RABGAP1L: variants seen among roughly 807,000 people sequenced by gnomAD.
The protein encoded by RABGAP1L is rab GTPase-activating protein 1-like.
Under a neutral mutation model 137.7 loss-of-function variants are expected in RABGAP1L, and 63 were observed. That is an observed-to-expected ratio of 0.46 (90% CI 0.37 to 0.56). The LOEUF (loss-of-function observed/expected upper bound fraction) is 0.56. Ranked by LOEUF, RABGAP1L falls within the 20% of genes least tolerant of loss-of-function variation. The pLI is 0.00. For missense variants in RABGAP1L, 1,095 were observed against 1,244.0 expected, an observed-to-expected ratio of 0.88 and a Z score of 1.80; for synonymous variants, 431 against 433.7, an observed-to-expected ratio of 0.99 and a Z score of 0.08.
chr1:174,836,201 T>C (rs1692730196), intron 19 of RABGAP1L, among the ~76,000 whole-genome samples: 1 of 152,216 alleles, frequency 6.6e-6, no homozygotes, highest in South Asian at 2.1e-4. Context: ...GTATTTTCTG[T>C]CATACATGAC....
At chr1:174,740,021 C>T (rs1218336397) in intron 17 of RABGAP1L, among the ~76,000 whole-genome samples, 1 of 152,150 alleles carries the variant, frequency 6.6e-6, no homozygotes, top group Non-Finnish European at 1.5e-5. Flanking sequence ...TATTATGATT[C>T]TTAAAGTTCA....
chr1:174,942,728 T>C (rs1259023043), intron 19 of RABGAP1L, among the ~76,000 whole-genome samples: 2 of 152,216 alleles, frequency 1.3e-5, no homozygotes, highest in South Asian at 2.1e-4. Flanking sequence ...TGCAGTGATA[T>C]GGTTAAATCA....
intron 8 of RABGAP1L, among the ~76,000 whole-genome samples, chr1:174,273,724 T>G (rs562587383): frequency 6.6e-6 from 1 of 152,216 alleles, no homozygotes; most frequent in Admixed American, 6.5e-5. Flanking sequence ...TTTAAAAGAC[T>G]AAGATGAATT....
intron 18 of RABGAP1L, among the ~76,000 whole-genome samples, chr1:174,788,316 T>C (rs72717608): frequency 0.22 from 33,303 of 152,206 alleles, 3,934 homozygotes; most frequent in Admixed American, 0.25. Flanking sequence ...TGCCATTCCC[T>C]GACTTGGTAA....
At chr1:174,544,563 A>T (rs1665824659) in intron 13 of RABGAP1L, among the ~76,000 whole-genome samples, 1 of 152,168 alleles carries the variant, frequency 6.6e-6, no homozygotes, top group Non-Finnish European at 1.5e-5. Context: ...AGCTCGGATA[A>T]GTTCGTTATT....
chr1:174,816,040 C>T (rs1213540995), intron 19 of RABGAP1L, among the ~76,000 whole-genome samples: 2 of 150,950 alleles, frequency 1.3e-5, no homozygotes, highest in Non-Finnish European at 2.9e-5. Context: ...CATTGCAGAG[C>T]TTCTTAAACT....
chr1:174,385,894 A>T (rs1414774435), intron 12 of RABGAP1L, among the ~76,000 whole-genome samples: 3 of 152,246 alleles, frequency 2.0e-5, no homozygotes, highest in Non-Finnish European at 4.4e-5. Flanking sequence ...TCTTAAAAAT[A>T]GTTTTGCTAT....
chr1:174,587,806 C>A (rs1669235200), intron 13 of RABGAP1L, among the ~76,000 whole-genome samples: 1 of 152,200 alleles, frequency 6.6e-6, no homozygotes, highest in Non-Finnish European at 1.5e-5. Context: ...TATTCACCAT[C>A]TCAAGCATTT....
intron 13 of RABGAP1L, chr1:174,548,263 A>C: frequency 7.3e-7 from 1 of 1,370,500 alleles, no homozygotes; most frequent in East Asian, 2.7e-5. Flanking sequence ...CTGTTTTTAA[A>C]CTCTTTGCTA....
intron 19 of RABGAP1L, among the ~76,000 whole-genome samples, chr1:174,854,771 C>A (rs1296001928): frequency 1.7e-5 from 1 of 58,364 alleles, no homozygotes; most frequent in Non-Finnish European, 3.4e-5. Context: ...GAGACGTTGT[C>A]TCACTCTGTC....
intron 13 of RABGAP1L, among the ~76,000 whole-genome samples, chr1:174,615,620 GA>G (rs1671758989): frequency 6.6e-6 from 1 of 152,228 alleles, no homozygotes; most frequent in Non-Finnish European, 1.5e-5. Context: ...GTCAGACAGG[GA>G]CATTTAAGTC....
chr1:174,423,427 T>C (rs556369229), intron 13 of RABGAP1L, among the ~76,000 whole-genome samples: 6 of 152,312 alleles, frequency 3.9e-5, no homozygotes, highest in Admixed American at 1.3e-4. Flanking sequence ...CTTTGGACTT[T>C]TGCTTCTTTA....
intron 13 of RABGAP1L, among the ~76,000 whole-genome samples, chr1:174,478,744 G>C (rs1223105055): frequency 6.6e-6 from 1 of 152,112 alleles, no homozygotes. Context: ...TTAAATTAGA[G>C]ACCAATACAA....
intron 13 of RABGAP1L, among the ~76,000 whole-genome samples, chr1:174,487,105 G>A (rs6674797): frequency 0.12 from 17,965 of 152,060 alleles, 1,394 homozygotes; most frequent in South Asian, 0.17. Context: ...TTCAACTGTT[G>A]AATGAAATGT....
At chr1:174,165,628 G>T (rs1664846972) in intron 1 of RABGAP1L, among the ~76,000 whole-genome samples, 1 of 151,960 alleles carries the variant, frequency 6.6e-6, no homozygotes, top group South Asian at 2.1e-4. Context: ...CCCCCAAGTG[G>T]CTGGGACTAT....
chr1:174,867,210 G>C (rs568230025), intron 19 of RABGAP1L, among the ~76,000 whole-genome samples: 47 of 152,106 alleles, frequency 3.1e-4, no homozygotes, highest in African/African-American at 1.1e-3. Flanking sequence ...GTGAAACCTT[G>C]TTTTTACTAA....
chr1:174,352,370 T>G (rs1683274844), intron 11 of RABGAP1L, among the ~76,000 whole-genome samples: 1 of 152,162 alleles, frequency 6.6e-6, no homozygotes, highest in Non-Finnish European at 1.5e-5. Flanking sequence ...GATTCATTCT[T>G]CAGTATGTCA....
rs981037634 is a variant in RABGAP1L at position 174,450,324 on chromosome 1, A to T, written c.1710+56179A>T. Among the ~76,000 whole-genome samples, 11 of 152,198 alleles carry T rather than the reference A, an allele frequency of 7.2e-5. No individual in the cohort carries two copies. In the East Asian group the frequency reaches 1.5e-3, roughly 21 times the overall value. ...TCCACTAGTCAGTCATTTGTGTGAT[A>T]TGCGTTTGCACATACTATGTTTTTC... On this transcript the variant is annotated intron_variant, in intron 13 of 25. Coordinates refer to ENST00000681986, the MANE Select transcript of RABGAP1L (RefSeq NM_001366446.1).
chr1:174,674,789 T>G (rs332775), intron 14 of RABGAP1L, among the ~76,000 whole-genome samples: 9,660 of 152,086 alleles, frequency 0.064, 1,005 homozygotes, highest in African/African-American at 0.22. Context: ...TCTAACTGGT[T>G]TGAGATGGTA....
Sources: gnomAD v4.1 joint callset for allele counts (sites outside exome capture counted in the v4.1 genomes callset) on GRCh38, gnomAD v4.1.1 for gene constraint, MANE v1.5 for transcripts, NCBI Gene and HGNC (gene_info 2026-07-23, HGNC 2026-07-21) for gene names.